KLF12: variants seen among roughly 807,000 people sequenced by gnomAD.
KLF12 encodes the protein KLF transcription factor 12.
KLF12 carries 9 observed loss-of-function variants against 37.8 expected under a neutral mutation model. The observed-to-expected ratio is 0.24, with a 90% CI of 0.14 to 0.42. The LOEUF (loss-of-function observed/expected upper bound fraction) is 0.42. Among genes scored for constraint, KLF12 ranks in the 10% least tolerant of loss-of-function variants. KLF12 has a pLI of 1.00. For missense variants in KLF12, 411 were observed against 516.0 expected, an observed-to-expected ratio of 0.80 and a Z score of 1.97; for synonymous variants, 208 against 202.1, an observed-to-expected ratio of 1.03 and a Z score of -0.25.
the KLF12 span, among the ~76,000 whole-genome samples, chr13:74,275,806 CCT>C: frequency 3.8e-5 from 3 of 79,618 alleles, no homozygotes; most frequent in South Asian, 9.0e-4. Context: ...TTCTTTCTTT[CCT>C]TCTTTCTTTC....
chr13:74,209,235 G>A, the KLF12 span, among the ~76,000 whole-genome samples: 2 of 151,864 alleles, frequency 1.3e-5, no homozygotes, highest in African/African-American at 4.8e-5. Context: ...TCGGTGAAGT[G>A]CAGTGAGAGC....
At chr13:74,219,593 TA>T in the KLF12 span, among the ~76,000 whole-genome samples, 46 of 152,310 alleles carry the variant, frequency 3.0e-4, 1 homozygote, top group East Asian at 6.7e-3. Flanking sequence ...TTTAAAACAC[TA>T]AAAAATTTTT....
intron 5 of KLF12, among the ~76,000 whole-genome samples, chr13:73,768,418 C>T (rs911892378): frequency 3.9e-5 from 6 of 152,248 alleles, no homozygotes; most frequent in Middle Eastern, 3.4e-3. Context: ...ATATGCTCTA[C>T]AGAGCCTGCA....
chr13:73,971,071 C>G (rs954906509), intron 2 of KLF12, among the ~76,000 whole-genome samples: 7 of 151,924 alleles, frequency 4.6e-5, no homozygotes, highest in Admixed American at 3.9e-4. Context: ...ATTGTAAGCA[C>G]CCAAAAATGA....
chr13:74,281,071 T>C, the KLF12 span, among the ~76,000 whole-genome samples: 1 of 152,204 alleles, frequency 6.6e-6, no homozygotes, highest in African/African-American at 2.4e-5. Flanking sequence ...ATAATATCTA[T>C]ACTTTGTTGT....
chr13:74,240,159 C>T, the KLF12 span, among the ~76,000 whole-genome samples: 1 of 152,208 alleles, frequency 6.6e-6, no homozygotes, highest in African/African-American at 2.4e-5. Context: ...AGTCTCTCAG[C>T]ATTTGCTTGT....
intron 7 of KLF12, among the ~76,000 whole-genome samples, chr13:73,695,907 C>T (rs1165604142): frequency 6.6e-6 from 1 of 152,172 alleles, no homozygotes; most frequent in Non-Finnish European, 1.5e-5. Flanking sequence ...TCCATTATGA[C>T]TTTGCCATCA....
At chr13:74,239,102 A>G in the KLF12 span, among the ~76,000 whole-genome samples, 4 of 140,620 alleles carry the variant, frequency 2.8e-5, no homozygotes, top group African/African-American at 1.1e-4. Flanking sequence ...CCCTCTACAC[A>G]CTGCTTTGAA....
chr13:73,738,124 T>TATATATATATATATACACAC (rs1305200790), intron 6 of KLF12, among the ~76,000 whole-genome samples: 2 of 81,930 alleles, frequency 2.4e-5, no homozygotes, highest in African/African-American at 7.8e-5. Flanking sequence ...TATATATATA[T>TATATATATATATATACACAC]ACACACACAC....
At chr13:74,193,192 C>T in the KLF12 span, among the ~76,000 whole-genome samples, 1 of 151,982 alleles carries the variant, frequency 6.6e-6, no homozygotes, top group African/African-American at 2.4e-5. Context: ...ATTGGCCAGG[C>T]TGGTCTCGAA....
chr13:74,282,214 G>A, the KLF12 span, among the ~76,000 whole-genome samples: 1 of 152,146 alleles, frequency 6.6e-6, no homozygotes, highest in African/African-American at 2.4e-5. Flanking sequence ...CTGTGAAGGA[G>A]GGCATATTTT....
At chr13:73,730,649 A>G (rs186950627) in intron 6 of KLF12, among the ~76,000 whole-genome samples, 22 of 152,218 alleles carry the variant, frequency 1.4e-4, no homozygotes, top group Admixed American at 1.4e-3. Context: ...AGTCAGGGCA[A>G]GCTTAATAGA....
chr13:73,700,183 C>T (rs1449352220), intron 7 of KLF12, among the ~76,000 whole-genome samples: 2 of 152,190 alleles, frequency 1.3e-5, no homozygotes, highest in South Asian at 4.1e-4. Context: ...ATGAGAATCA[C>T]TTGAACCCAG....
At chr13:74,290,456 C>T in the KLF12 span, among the ~76,000 whole-genome samples, 1 of 152,178 alleles carries the variant, frequency 6.6e-6, no homozygotes, top group Non-Finnish European at 1.5e-5. Context: ...AAGACTGCCG[C>T]ATATTACTCA....
chr13:73,725,573 A>G (rs947761072), intron 6 of KLF12, among the ~76,000 whole-genome samples: 1 of 151,544 alleles, frequency 6.6e-6, no homozygotes, highest in Admixed American at 6.6e-5. Flanking sequence ...TCTGTGATCA[A>G]TAAGCTCATA....
the KLF12 span, among the ~76,000 whole-genome samples, chr13:74,159,662 T>C: frequency 6.6e-6 from 1 of 152,216 alleles, no homozygotes; most frequent in African/African-American, 2.4e-5. Context: ...TTCACTCTTA[T>C]TCAGTAATTG....
chr13:74,052,933 C>T (rs1016045723), intron 1 of KLF12, among the ~76,000 whole-genome samples: 1 of 152,126 alleles, frequency 6.6e-6, no homozygotes, highest in Non-Finnish European at 1.5e-5. Context: ...TGTTTTCCCT[C>T]TAAAACATCA....
the KLF12 span, among the ~76,000 whole-genome samples, chr13:74,166,754 G>A: frequency 3.9e-5 from 6 of 152,062 alleles, no homozygotes; most frequent in East Asian, 1.9e-4. Context: ...AATACACAGC[G>A]CCACACATTT....
the KLF12 span, among the ~76,000 whole-genome samples, chr13:74,191,970 T>A: frequency 4.6e-5 from 7 of 152,170 alleles, no homozygotes; most frequent in Non-Finnish European, 1.0e-4. Context: ...GATTTTCTCC[T>A]TTCACTTCAA....
Sources: gnomAD v4.1 joint callset for allele counts (sites outside exome capture counted in the v4.1 genomes callset) on GRCh38, gnomAD v4.1.1 for gene constraint, MANE v1.5 for transcripts, NCBI Gene and HGNC (gene_info 2026-07-23, HGNC 2026-07-21) for gene names.